XYLT1: variants seen among roughly 807,000 people sequenced by gnomAD.
The protein encoded by XYLT1 is beta-D-xylosyltransferase 1.
In XYLT1, 36 loss-of-function variants were observed where a neutral mutation model predicts 91.3. That is an observed-to-expected ratio of 0.39 (90% CI 0.30 to 0.52). XYLT1 has a LOEUF of 0.52. Ranked by LOEUF, XYLT1 falls within the 20% of genes least tolerant of loss-of-function variation. The pLI is 0.68. For missense variants in XYLT1, 1,242 were observed against 1,284.5 expected (o/e 0.97, Z 0.51); for synonymous variants, 588 against 532.0 (o/e 1.11, Z -1.45).
At chr16:17,120,805 TATCTCTATAGAGATCTAAAAATA>T (rs1453339302) in intron 10 of XYLT1, among the ~76,000 whole-genome samples, 1 of 152,324 alleles carries the variant, frequency 6.6e-6, no homozygotes, top group East Asian at 1.9e-4. Context: ...GTGCTCAATA[TATCTCTATAGAGATCTAAAAATA>T]AAGATATATT....
intron 5 of XYLT1, among the ~76,000 whole-genome samples, chr16:17,182,168 T>C (rs758155311): frequency 2.0e-5 from 3 of 152,164 alleles, no homozygotes; most frequent in Admixed American, 6.5e-5. Context: ...AGCATATAGC[T>C]CTCATACAGG....
At chr16:17,182,219 C>T (rs1467858880) in intron 5 of XYLT1, among the ~76,000 whole-genome samples, 1 of 152,194 alleles carries the variant, frequency 6.6e-6, no homozygotes, top group Non-Finnish European at 1.5e-5. Context: ...GCTGCTATAA[C>T]AAGACACCAT....
intron 1 of XYLT1, among the ~76,000 whole-genome samples, chr16:17,361,466 T>G (rs994910513): frequency 9.9e-5 from 15 of 152,242 alleles, no homozygotes; most frequent in South Asian, 2.1e-4. Flanking sequence ...CAAAAAGTGT[T>G]GTCACAAACA....
chr16:17,436,171 G>A lies in XYLT1; in HGVS notation c.363+34263C>T, dbSNP rs192483389. ...CGTTCGCCTTCTGCCATGATTGTGC[G>A]GCCTCCCCAGCCATGTTAGAACTTC... On this transcript the variant is annotated intron_variant, in intron 1 of 11. Coordinates refer to ENST00000261381, the MANE Select transcript of XYLT1 (RefSeq NM_022166.4). Among the ~76,000 whole-genome samples the A allele has an allele frequency of 1.1e-3, 172 of 152,208 alleles. 1 individual carries two copies. Among genetic ancestry groups the A allele is most frequent in the African/African-American group, 4.0e-3 (165 of 41,506 alleles).
intron 1 of XYLT1, among the ~76,000 whole-genome samples, chr16:17,402,275 G>A (rs116055991): frequency 0.016 from 2,428 of 151,892 alleles, 75 homozygotes; most frequent in African/African-American, 0.056. Flanking sequence ...AGCCGTCATT[G>A]CCCCACTGTA....
chr16:17,146,283 G>A (rs1036452090), intron 6 of XYLT1, among the ~76,000 whole-genome samples: 6 of 152,212 alleles, frequency 3.9e-5, no homozygotes, highest in African/African-American at 1.4e-4. Flanking sequence ...ATGGATGATG[G>A]TGTAATGAAA....
intron 2 of XYLT1, 139 bp downstream of exon 2, chr16:17,357,873 A>C: frequency 1.2e-6 from 1 of 847,390 alleles, no homozygotes. Context: ...GTATACATAC[A>C]TGTGCAGGCA....
chr16:17,432,267 T>A (rs368043814), intron 1 of XYLT1, among the ~76,000 whole-genome samples: 1 of 152,200 alleles, frequency 6.6e-6, no homozygotes, highest in Non-Finnish European at 1.5e-5. Context: ...CAGACTTCTA[T>A]GCAAATGCTC....
At chr16:17,245,655 T>C (rs982375546) in intron 3 of XYLT1, among the ~76,000 whole-genome samples, 1 of 152,232 alleles carries the variant, frequency 6.6e-6, no homozygotes, top group African/African-American at 2.4e-5. Flanking sequence ...TGTATAAATT[T>C]CACAGCCATT....
intron 5 of XYLT1, among the ~76,000 whole-genome samples, chr16:17,166,657 G>A (rs1348059690): frequency 1.3e-5 from 2 of 151,224 alleles, no homozygotes; most frequent in South Asian, 2.1e-4. Flanking sequence ...AATTATAGGC[G>A]TGCACCACAA....
chr16:17,363,155 T>G (rs1253644858), intron 1 of XYLT1, among the ~76,000 whole-genome samples: 2 of 152,190 alleles, frequency 1.3e-5, no homozygotes, highest in African/African-American at 4.8e-5. Context: ...CTGGAGAATG[T>G]CCAGCTCTAG....
chr16:17,207,108 A>AGT (rs2032663879), intron 3 of XYLT1, among the ~76,000 whole-genome samples: 1 of 128,680 alleles, frequency 7.8e-6, no homozygotes, highest in Non-Finnish European at 1.5e-5. Flanking sequence ...CCTAGGCTGG[A>AGT]GTGCAATGGT....
intron 6 of XYLT1, among the ~76,000 whole-genome samples, chr16:17,142,725 A>G (rs8052486): frequency 0.99 from 150,172 of 152,052 alleles, 74,180 homozygotes; most frequent in Middle Eastern, 1. Flanking sequence ...TTATAGGTGT[A>G]AGCCATTGCG....
intron 2 of XYLT1, among the ~76,000 whole-genome samples, chr16:17,267,894 C>T (rs1307624971): frequency 1.7e-5 from 2 of 115,304 alleles, no homozygotes; most frequent in Non-Finnish European, 3.6e-5. Context: ...AATTAAGAGT[C>T]AATGAATTTA....
chr16:17,437,992 A>G (rs2036483014), intron 1 of XYLT1, among the ~76,000 whole-genome samples: 1 of 152,256 alleles, frequency 6.6e-6, no homozygotes, highest in South Asian at 2.1e-4. Context: ...AGAAGAAGAA[A>G]AACCCTCACA....
chr16:17,455,961 A>G (rs1451780195), intron 1 of XYLT1, among the ~76,000 whole-genome samples: 1 of 152,218 alleles, frequency 6.6e-6, no homozygotes, highest in African/African-American at 2.4e-5. Flanking sequence ...TCAGCAGCTG[A>G]GTCTCAGTGA....
intron 1 of XYLT1, among the ~76,000 whole-genome samples, chr16:17,362,684 C>T (rs914666664): frequency 5.9e-5 from 9 of 152,230 alleles, no homozygotes; most frequent in African/African-American, 2.2e-4. Flanking sequence ...TCCACACATA[C>T]ATCAAACCTA....
intron 2 of XYLT1, among the ~76,000 whole-genome samples, chr16:17,343,021 G>T (rs558971195): frequency 6.6e-6 from 1 of 152,308 alleles, no homozygotes; most frequent in Non-Finnish European, 1.5e-5. Flanking sequence ...AGTCACAGCT[G>T]CCCGCAGAGA....
intron 1 of XYLT1, among the ~76,000 whole-genome samples, chr16:17,370,437 A>G (rs150987710): frequency 1.0e-3 from 159 of 152,298 alleles, no homozygotes; most frequent in African/African-American, 3.7e-3. Flanking sequence ...CAGGAGAGTA[A>G]GTGTTACTTT....
Sources: allele counts gnomAD v4.1 joint callset (sites outside exome capture counted in the v4.1 genomes callset), GRCh38; gene constraint gnomAD v4.1.1; transcripts MANE v1.5; gene names NCBI Gene and HGNC (gene_info 2026-07-23, HGNC 2026-07-21).